The following TRRAP variants were observed in gnomAD, a reference collection of about 807,000 sequenced individuals.
TRRAP encodes the protein transformation/transcription domain associated protein.
TRRAP carries 41 observed loss-of-function variants against 438.8 expected under a neutral mutation model. The ratio of observed to expected loss-of-function variants is 0.09; its 90% CI spans 0.07 to 0.12. The LOEUF (loss-of-function observed/expected upper bound fraction) is 0.12. Ranked by LOEUF, TRRAP falls within the 10% of genes least tolerant of loss-of-function variation. TRRAP has a pLI of 1.00. For missense variants in TRRAP, 3,122 were observed against 5,055.1 expected (o/e 0.62, Z 11.60); for synonymous variants, 1,994 against 1,962.9 (o/e 1.02, Z -0.42).
At chr7:99,002,887 C>T (rs1246640141) in intron 67 of TRRAP, among the ~76,000 whole-genome samples, 1 of 152,200 alleles carries the variant, frequency 6.6e-6, no homozygotes, top group Non-Finnish European at 1.5e-5. Flanking sequence ...GTGTTATGCC[C>T]AGCGCCTCAT....
At position 98,891,242 on chromosome 7, in the gene TRRAP, C is replaced by T. The variant is rs575411758; in HGVS notation, c.261+797C>T. On this transcript the variant is annotated intron_variant, in intron 4 of 72. Coordinates refer to ENST00000456197, the MANE Select transcript of TRRAP (RefSeq NM_001375524.1). ...TTTTTTTTTTTGGGAGACGGAGTCT[C>T]GCTCTGTCACCCAGGCTGGAGTGCA... 4.3e-3 allele frequency among the ~76,000 whole-genome samples: 575 copies of T among 132,458 alleles called. 4 individuals are homozygous for T. The highest frequency in any genetic ancestry group is 6.6e-3 in the Non-Finnish European group (429 of 64,926). The allele number at this position is 132,458 out of a possible 152,430, so 86.9% of individuals were successfully genotyped here.
In TRRAP at chr7:98,950,142, C is replaced by G. The variant is rs1554417897; in HGVS notation, c.5214C>G (p.Phe1738Leu). 2 of 1,614,046 alleles carry G rather than the reference C, an allele frequency of 1.2e-6. No individual in the cohort carries two copies. The highest frequency in any genetic ancestry group is 2.7e-5 in the African/African-American group (2 of 74,940). Residue 1738 changes from phenylalanine (F) to leucine (L), a missense_variant, in exon 38 of 73, where the codon TTC becomes TTG. Phe to Leu is a conservative substitution (Grantham distance 22). This residue lies in a region of TRRAP where 272 missense variants were observed against 348.5 expected (regional missense o/e 0.78). Coordinates refer to ENST00000456197, the MANE Select transcript of TRRAP (RefSeq NM_001375524.1). The part of the protein sequence containing the change: ...FTGRFLCNMT[F>L]LKEYMEEEIP... ...GTCGTTTTCTCTGCAACATGACATT[C>G]TTAAAAGAGTATATGGAGGAAGAGA...
At chr7:98,917,949 C>T (rs1338302618) in intron 20 of TRRAP, among the ~76,000 whole-genome samples, 2 of 151,702 alleles carry the variant, frequency 1.3e-5, no homozygotes, top group Non-Finnish European at 2.9e-5. Flanking sequence ...TGGTGAAAAC[C>T]CATCTCTACA....
chr7:99,005,573 C>G lies in TRRAP; in HGVS notation c.10753+225C>G, dbSNP rs887534700. The stretch of plus-strand genomic sequence containing the variant: ...GAGATGAGAGCTGTGTCCACCTTTC[C>G]TCTAAGGCGAGCTTGTCCAACCTGC... On this transcript the variant is annotated intron_variant, in intron 69 of 72. Coordinates refer to ENST00000456197, the MANE Select transcript of TRRAP (RefSeq NM_001375524.1). This position sits in a 1 kb window ranked among gnomAD's most constrained non-coding sequence, Gnocchi z 5.1. Among the ~76,000 whole-genome samples, 1 of 152,236 alleles carries G rather than the reference C, an allele frequency of 6.6e-6. No homozygotes were observed. The highest frequency in any genetic ancestry group is 1.5e-5 in the Non-Finnish European group (1 of 68,040).
chr7:98,934,048 C>T (rs935389052), intron 27 of TRRAP, among the ~76,000 whole-genome samples: 4 of 152,162 alleles, frequency 2.6e-5, no homozygotes, highest in Admixed American at 6.5e-5. Flanking sequence ...GACCCAAACA[C>T]GGACCCTGGC....
intron 30 of TRRAP, among the ~76,000 whole-genome samples, chr7:98,941,501 C>G (rs565281675): frequency 2.6e-5 from 4 of 152,158 alleles, no homozygotes; most frequent in Non-Finnish European, 5.9e-5. Context: ...ATTTCCTCAT[C>G]AAACTAAAGA....
At chr7:98,904,552 C>A (rs1011627010) in intron 12 of TRRAP, among the ~76,000 whole-genome samples, 1 of 148,574 alleles carries the variant, frequency 6.7e-6, no homozygotes, top group Non-Finnish European at 1.5e-5. Context: ...CGTTACTGTA[C>A]AAGCTAGCCC....
chr7:98,930,089 C>T lies in TRRAP; in HGVS notation c.3276C>T (p.Leu1092=). Residue 1092 remains leucine, a synonymous_variant, in exon 24 of 73, where the codon CTC becomes CTT. Transcript: ENST00000456197. ...NGSKGMDPLV[L]IDAIAICMAY... ...CGAAAGGAATGGATCCTTTGGTTCT[C>T]ATTGATGCAATTGCTATTTGTATGG... is the stretch of plus-strand genomic sequence containing the variant. The T allele has an allele frequency of 3.7e-6, 6 of 1,614,128 alleles. No individual in the cohort carries two copies. Among genetic ancestry groups the T allele is most frequent in the Non-Finnish European group, 5.1e-6 (6 of 1,180,026 alleles).
In TRRAP at chr7:98,949,677, G is replaced by T. The variant is rs782172069; in HGVS notation, c.4971G>T (p.Val1657=). The change falls in exon 37 of 73, where the codon GTG becomes GTT. Residue 1657 remains valine, a synonymous_variant. Transcript: ENST00000456197. ...FQAIKIISII[V]KNDDSWLASQ... ...TTTGACAGATCATAAGCATTATAGTGAAAAACGATGACTCCTGGCTGGCCA... is the reference window on the plus strand; with the variant it reads ...TTTGACAGATCATAAGCATTATAGTTAAAAACGATGACTCCTGGCTGGCCA... The T allele has an allele frequency of 5.7e-5, 92 of 1,613,396 alleles. No homozygotes were observed. In the South Asian group the frequency reaches 8.0e-4, roughly 14 times the overall value.
In TRRAP at chr7:98,998,968, G is replaced by A. The variant is rs923904390; in HGVS notation, c.10309+4120G>A. On this transcript the variant is annotated intron_variant, in intron 67 of 72. Transcript: ENST00000456197. The stretch of plus-strand genomic sequence containing the variant: ...AAAGTTACAGCTGGAGCAGATGCCC[G>A]TGGTACAGCCAGGCCCTGCAGGCCC... 74 of 597,922 alleles carry A rather than the reference G, an allele frequency of 1.2e-4. 1 individual carries two copies. The highest frequency in any genetic ancestry group is 4.8e-4 in the Admixed American group (19 of 39,304). The allele number at this position is 597,922 out of a possible 1,614,324, so 37.0% of individuals were successfully genotyped here.
intron 20 of TRRAP, among the ~76,000 whole-genome samples, chr7:98,918,962 A>G (rs1450721417): frequency 1.3e-5 from 2 of 151,226 alleles, no homozygotes; most frequent in East Asian, 3.9e-4. Context: ...GAGGCTGAGC[A>G]GGAGAATCGC....
At chr7:99,008,207 T>C (rs1332101015) in intron 69 of TRRAP, among the ~76,000 whole-genome samples, 170 bp from the exon 70 acceptor site, 1 of 152,222 alleles carries the variant, frequency 6.6e-6, no homozygotes, top group Non-Finnish European at 1.5e-5. Flanking sequence ...CAGAGCCTCA[T>C]GCCATCTGTT....
chr7:98,967,716 A>T lies in TRRAP; in HGVS notation c.7512+18A>T, dbSNP rs777881918. 4.4e-5 allele frequency: 71 copies of T among 1,605,884 alleles called. No individual in the cohort carries two copies. The highest frequency in any genetic ancestry group is 6.0e-5 in the Non-Finnish European group (70 of 1,175,290). On this transcript the variant is annotated intron_variant, in intron 51 of 72. Coordinates refer to ENST00000456197, the MANE Select transcript of TRRAP (RefSeq NM_001375524.1). ...GCATTGAGGTAGGAAGACTCGGCTC[A>T]CATCTGTGGCCGGGGGCAGCTGTGG...
chr7:98,903,593 T>C (rs1175496741), intron 12 of TRRAP, 76 bp downstream of exon 12: 12 of 1,588,218 alleles, frequency 7.6e-6, no homozygotes, highest in South Asian at 1.1e-5. Context: ...TGACATTCCA[T>C]AGTTGTGCTG....
At chr7:98,971,327 C>T (rs1356081326) in intron 52 of TRRAP, among the ~76,000 whole-genome samples, 1 of 152,182 alleles carries the variant, frequency 6.6e-6, no homozygotes, top group Non-Finnish European at 1.5e-5. Flanking sequence ...TGTTGACTGA[C>T]TTCTCCAAAC....
intron 51 of TRRAP, among the ~76,000 whole-genome samples, chr7:98,968,358 A>G (rs1792255910): frequency 6.6e-6 from 1 of 152,238 alleles, no homozygotes; most frequent in South Asian, 2.1e-4. Flanking sequence ...CAGCCGGGCC[A>G]GGGCCTGACC....
At chr7:98,941,433 G>C (rs1790791968) in intron 30 of TRRAP, among the ~76,000 whole-genome samples, 1 of 152,168 alleles carries the variant, frequency 6.6e-6, no homozygotes, top group Admixed American at 6.5e-5. Context: ...ACCTCCCAAA[G>C]TGCTGGGATT....
intron 67 of TRRAP, among the ~76,000 whole-genome samples, chr7:98,996,189 C>G (rs981684207): frequency 6.6e-6 from 1 of 152,212 alleles, no homozygotes; most frequent in African/African-American, 2.4e-5. Flanking sequence ...TGCACTGTGT[C>G]CCATCTACAC....
intron 65 of TRRAP, among the ~76,000 whole-genome samples, chr7:98,992,822 G>A (rs183341988): frequency 4.6e-5 from 7 of 152,260 alleles, no homozygotes; most frequent in Admixed American, 2.0e-4. Context: ...CCTAAGGGCC[G>A]TGGGCCGTGT....
Sources: gnomAD v4.1 joint callset for allele counts (sites outside exome capture counted in the v4.1 genomes callset) on GRCh38, gnomAD v4.1.1 for gene constraint, gnomAD v4.1.1 regional missense constraint, Gnocchi (gnomAD v3.1) non-coding constraint, MANE v1.5 for transcripts, NCBI Gene and HGNC (gene_info 2026-07-23, HGNC 2026-07-21) for gene names.